ABCA12: variants seen among roughly 807,000 people sequenced by gnomAD.
ABCA12 encodes glucosylceramide transporter ABCA12.
A neutral mutation model predicts 293.5 loss-of-function variants in ABCA12; 156 were observed. The observed-to-expected ratio is 0.53, with a 90% CI of 0.47 to 0.61. The LOEUF (loss-of-function observed/expected upper bound fraction) is 0.61. Among genes scored for constraint, ABCA12 ranks in the 20% least tolerant of loss-of-function variants. ABCA12 has a pLI of 0.00. For missense variants in ABCA12, 2,797 were observed against 3,090.2 expected (o/e 0.91, Z 2.25); for synonymous variants, 1,063 against 1,108.0 (o/e 0.96, Z 0.81).
chr2:215,078,813 C>G (rs1435420075), intron 2 of ABCA12, among the ~76,000 whole-genome samples: 1 of 152,084 alleles, frequency 6.6e-6, no homozygotes, highest in Admixed American at 6.5e-5. Flanking sequence ...GCCATTATAC[C>G]TAAGAATTAG....
chr2:215,093,275 T>C (rs1702185121), intron 2 of ABCA12, among the ~76,000 whole-genome samples: 1 of 152,170 alleles, frequency 6.6e-6, no homozygotes. Flanking sequence ...CAACAACTCC[T>C]TTCCTTCCTA....
chr2:215,099,442 C>A (rs890391809), intron 2 of ABCA12, among the ~76,000 whole-genome samples: 1 of 152,194 alleles, frequency 6.6e-6, no homozygotes. Flanking sequence ...CGCCTGTAAT[C>A]CCAGCATTTT....
chr2:215,005,363 C>T (rs1364994215), intron 19 of ABCA12, among the ~76,000 whole-genome samples: 1 of 152,150 alleles, frequency 6.6e-6, no homozygotes. Context: ...CCATTTGGTA[C>T]AACATAGTCT....
At chr2:215,003,311 T>A (rs988858315) in intron 20 of ABCA12, among the ~76,000 whole-genome samples, 5 of 152,192 alleles carry the variant, frequency 3.3e-5, no homozygotes, top group Non-Finnish European at 5.9e-5. Flanking sequence ...AGGGAATGCA[T>A]AAGTTTAGAC....
intron 2 of ABCA12, among the ~76,000 whole-genome samples, chr2:215,097,470 G>C (rs572123203): frequency 6.6e-6 from 1 of 152,060 alleles, no homozygotes; most frequent in African/African-American, 2.4e-5. Context: ...TTTCCCTTTA[G>C]AGTCCACATG....
chr2:214,937,396 A>C (rs1331118103), intron 51 of ABCA12, 114 bp downstream of exon 51: 1 of 743,708 alleles, frequency 1.3e-6, no homozygotes, highest in African/African-American at 1.8e-5. Flanking sequence ...ACGGGGTTTC[A>C]CCATGTTGGC....
intron 3 of ABCA12, 124 bp from the exon 4 acceptor site, chr2:215,054,788 T>C: frequency 1.4e-6 from 1 of 719,910 alleles, no homozygotes; most frequent in South Asian, 1.5e-5. Context: ...GTTTCCAGGA[T>C]TTTAATGGAA....
intron 20 of ABCA12, among the ~76,000 whole-genome samples, chr2:215,002,475 C>T (rs1354986408): frequency 6.6e-6 from 1 of 152,036 alleles, no homozygotes; most frequent in East Asian, 1.9e-4. Context: ...AATCATTTGG[C>T]CAATTACATT....
At chr2:215,012,195 G>T in intron 15 of ABCA12, 60 bp from the exon 16 acceptor site, 1 of 1,512,948 alleles carries the variant, frequency 6.6e-7, no homozygotes, top group Non-Finnish European at 9.1e-7. Context: ...CTCATGCATT[G>T]TTGGTAAGGT....
chr2:215,054,444 T>C, intron 4 of ABCA12, 129 bp downstream of exon 4: 1 of 802,170 alleles, frequency 1.2e-6, no homozygotes, highest in Non-Finnish European at 2.1e-6. Context: ...TGAGGAACGT[T>C]TAGATCTCAC....
chr2:214,968,871 A>G, intron 37 of ABCA12, 64 bp from the exon 38 acceptor site: 1 of 1,464,522 alleles, frequency 6.8e-7, no homozygotes, highest in Non-Finnish European at 9.6e-7. Context: ...ATAGATCTAA[A>G]ATACTTAACG....
In ABCA12 at chr2:214,949,134, C is replaced by T; in HGVS notation, c.6868G>A (p.Gly2290Arg). The change falls in exon 46 of 53, where the codon GGA (glycine) becomes AGA (arginine). Residue 2290 changes from glycine to arginine, a missense_variant. This residue lies in a region of ABCA12 where 2,130 missense variants were observed against 2,427.0 expected (regional missense o/e 0.88). Coordinates refer to ENST00000272895, the MANE Select transcript of ABCA12 (RefSeq NM_173076.3). Reference sequence around the variant, plus strand: ...GTGGTCTTTCCTGCTCCATTCACTCCAAGAAGCCCAAAACACTGGTTTGAG... The same window carrying T: ...GTGGTCTTTCCTGCTCCATTCACTCTAAGAAGCCCAAAACACTGGTTTGAG... ...IPAGECFGLL[G>R]VNGAGKTTIF... 1.2e-6 allele frequency: 2 copies of T among 1,613,286 alleles called. No individual in the cohort carries two copies. The highest frequency in any genetic ancestry group is 1.7e-6 in the Non-Finnish European group (2 of 1,179,622).
chr2:215,107,692 A>G (rs572739839), intron 2 of ABCA12, among the ~76,000 whole-genome samples: 1 of 152,278 alleles, frequency 6.6e-6, no homozygotes, highest in Admixed American at 6.5e-5. Flanking sequence ...CTATGAAGGG[A>G]ATCCTTTACG....
intron 19 of ABCA12, among the ~76,000 whole-genome samples, chr2:215,005,776 T>G (rs1450061744): frequency 6.6e-6 from 1 of 152,250 alleles, no homozygotes; most frequent in African/African-American, 2.4e-5. Flanking sequence ...CTAAAAACCC[T>G]GATTTGATCA....
intron 38 of ABCA12, among the ~76,000 whole-genome samples, chr2:214,967,934 A>G (rs957798608): frequency 6.6e-6 from 1 of 152,204 alleles, no homozygotes; most frequent in South Asian, 2.1e-4. Context: ...AAGAATATGC[A>G]TCTGATCCCG....
At chr2:215,006,275 G>A (rs1409609) in intron 19 of ABCA12, among the ~76,000 whole-genome samples, 151,849 of 152,276 alleles carry the variant, frequency 1, 75,715 homozygotes, top group East Asian at 1. Context: ...AGGAGAAAAT[G>A]GCAATGTGTT....
At chr2:214,948,456 A>C in intron 47 of ABCA12, 140 bp downstream of exon 47, 1 of 895,704 alleles carries the variant, frequency 1.1e-6, no homozygotes, top group Non-Finnish European at 1.7e-6. Context: ...TGCCACTGCC[A>C]GAAGGAAAAT....
At chr2:215,028,065 G>A (rs919914695) in intron 9 of ABCA12, among the ~76,000 whole-genome samples, 1 of 152,096 alleles carries the variant, frequency 6.6e-6, no homozygotes, top group Non-Finnish European at 1.5e-5. Context: ...GTCTACTATT[G>A]AATTTTATGT....
intron 33 of ABCA12, among the ~76,000 whole-genome samples, chr2:214,976,882 C>G (rs1167362157): frequency 1.3e-5 from 2 of 152,152 alleles, no homozygotes; most frequent in Admixed American, 6.5e-5. Context: ...ATATAGCATT[C>G]TCTCCGAAAG....
Sources: gnomAD v4.1 joint callset for allele counts (sites outside exome capture counted in the v4.1 genomes callset) on GRCh38, gnomAD v4.1.1 for gene constraint, gnomAD v4.1.1 regional missense constraint, MANE v1.5 for transcripts, NCBI Gene and HGNC (gene_info 2026-07-23, HGNC 2026-07-21) for gene names.